The following CNTNAP3B variants were observed in gnomAD, a reference collection of about 807,000 sequenced individuals.
CNTNAP3B encodes the protein contactin-associated protein-like 3B.
A neutral mutation model predicts 108.9 loss-of-function variants in CNTNAP3B; 25 were observed. The ratio of observed to expected loss-of-function variants is 0.23; its 90% confidence interval spans 0.17 to 0.32. The LOEUF is 0.32. Ranked by LOEUF, CNTNAP3B falls within the 10% of genes least tolerant of loss-of-function variation. The probability of loss-of-function intolerance (pLI) is 1.00; values close to 1 mark genes in which losing one functional copy is unlikely to be tolerated. For missense variants in CNTNAP3B, 252 were observed against 1,210.4 expected (o/e 0.21, Z 11.75); for synonymous variants, 103 against 473.4 (o/e 0.22, Z 10.16).
intron 2 of CNTNAP3B, among the ~76,000 whole-genome samples, chr9:42,089,561 C>A (rs577403767): frequency 6.8e-6 from 1 of 146,642 alleles, no homozygotes; most frequent in East Asian, 2.0e-4. Context: ...AGGAGTTATA[C>A]TTTCTAATGT....
intron 13 of CNTNAP3B, among the ~76,000 whole-genome samples, chr9:41,951,269 G>A (rs2118138208): frequency 7.2e-6 from 1 of 138,216 alleles, no homozygotes; most frequent in African/African-American, 2.7e-5. Context: ...TTTCAAAAGA[G>A]GAGAAATAGG....
At chr9:42,037,470 C>T (rs868256308) in intron 3 of CNTNAP3B, among the ~76,000 whole-genome samples, 1 of 129,758 alleles carries the variant, frequency 7.7e-6, no homozygotes, top group Non-Finnish European at 1.6e-5. Flanking sequence ...GGCAAAAGAA[C>T]CACATGACGC....
chr9:41,951,810 C>T (rs777525725), intron 13 of CNTNAP3B, among the ~76,000 whole-genome samples: 11,426 of 148,750 alleles, frequency 0.077, 5 homozygotes, highest in Middle Eastern at 0.14. Flanking sequence ...GGCGCGGTGG[C>T]TCACGCCTGT....
chr9:41,963,626 C>T (rs1465944831), intron 11 of CNTNAP3B, among the ~76,000 whole-genome samples: 1 of 151,638 alleles, frequency 6.6e-6, no homozygotes, highest in Non-Finnish European at 1.5e-5. Flanking sequence ...GCCCCATCTC[C>T]AGCGATTCTG....
intron 13 of CNTNAP3B, among the ~76,000 whole-genome samples, chr9:41,952,304 G>T (rs62536504): frequency 6.6e-6 from 1 of 152,126 alleles, no homozygotes; most frequent in Non-Finnish European, 1.5e-5. Context: ...ACAAGGTGTT[G>T]CTCTGCTGCC....
intron 13 of CNTNAP3B, among the ~76,000 whole-genome samples, chr9:41,947,262 G>A (rs1824555196): frequency 6.6e-6 from 1 of 151,588 alleles, no homozygotes; most frequent in African/African-American, 2.4e-5. Flanking sequence ...CCATATCCCT[G>A]GGAGCCAAAC....
Position 41,960,598 on chromosome 9 carries a change from C to T in CNTNAP3B, c.1876+175G>A, listed in dbSNP as rs1587149010. Among the ~76,000 whole-genome samples the T allele has an allele frequency of 2.6e-5, 4 of 152,300 alleles. No homozygotes were observed. The South Asian group carries it at 6.2e-4, about 24-fold the overall frequency. On this transcript the variant is annotated intron_variant, in intron 12 of 23. Coordinates refer to ENST00000377561, the MANE Select transcript of CNTNAP3B (RefSeq NM_001201380.3). ...ATTGAATCTTGCCTATAATCCAACC[C>T]AGGCAAAGAAGAAATACAAGAAAAT...
chr9:42,111,608 C>T lies in CNTNAP3B; in HGVS notation c.86-6869G>A, dbSNP rs1828194320. Among the ~76,000 whole-genome samples, 4 of 138,636 alleles carry T rather than the reference C, an allele frequency of 2.9e-5. 1 individual carries two copies. In the East Asian group the frequency reaches 8.8e-4, roughly 31 times the overall value. The allele number at this position is 138,636 out of a possible 152,430, so 91.0% of individuals were successfully genotyped here. A position where few individuals can be genotyped will look rare whatever the true frequency, so the allele number is the denominator to read the frequency against. On this transcript the variant is annotated intron_variant, in intron 1 of 23. Transcript: ENST00000377561. Reference sequence around the variant, plus strand: ...ATCTGATTGCCTAAATTCAGCCTGGCTTCAATCAAGACACTTTGGTTCCCT... The same window carrying T: ...ATCTGATTGCCTAAATTCAGCCTGGTTTCAATCAAGACACTTTGGTTCCCT...
At chr9:42,053,298 A>C (rs983370176) in intron 3 of CNTNAP3B, among the ~76,000 whole-genome samples, 3 of 112,656 alleles carry the variant, frequency 2.7e-5, no homozygotes, top group Non-Finnish European at 5.6e-5. Context: ...GAAATGAGCA[A>C]TAATATTCTG....
chr9:41,958,498 C>T (rs1824947377), intron 12 of CNTNAP3B, among the ~76,000 whole-genome samples: 1 of 151,960 alleles, frequency 6.6e-6, no homozygotes, highest in Non-Finnish European at 1.5e-5. Flanking sequence ...TGTAAAGAGG[C>T]CTGCAGTACT....
intron 3 of CNTNAP3B, among the ~76,000 whole-genome samples, chr9:42,033,258 G>A (rs1277640751): frequency 4.0e-5 from 6 of 148,966 alleles, no homozygotes; most frequent in Non-Finnish European, 7.4e-5. Context: ...TTGACTTACT[G>A]AAGGCAATTT....
chr9:42,120,397 T>C lies in CNTNAP3B; in HGVS notation c.85+8613A>G, dbSNP rs1482666392. On this transcript the variant is annotated intron_variant, in intron 1 of 23. Coordinates refer to ENST00000377561, the MANE Select transcript of CNTNAP3B (RefSeq NM_001201380.3). ...GTGGGACTGTAAACTAGTTCAACCATTGTGGAAGTCAGTGTGGCAATTCCT... is the reference window on the plus strand; with the variant it reads ...GTGGGACTGTAAACTAGTTCAACCACTGTGGAAGTCAGTGTGGCAATTCCT... Among the ~76,000 whole-genome samples, 2 of 139,034 alleles carry C rather than the reference T, an allele frequency of 1.4e-5. 1 individual carries two copies. The highest frequency in any genetic ancestry group is 5.7e-5 in the African/African-American group (2 of 35,040). 91.2% of individuals were successfully genotyped at this position (139,034 alleles called of 152,430 possible).
In CNTNAP3B at chr9:42,123,317, A is replaced by C. The variant is rs1363744104; in HGVS notation, c.85+5693T>G. Among the ~76,000 whole-genome samples the C allele has an allele frequency of 3.5e-5, 2 of 57,538 alleles. 1 individual carries two copies. Among genetic ancestry groups the C allele is most frequent in the Non-Finnish European group, 7.7e-5 (2 of 25,854 alleles). 37.7% of individuals were successfully genotyped at this position (57,538 alleles called of 152,430 possible). On this transcript the variant is annotated intron_variant, in intron 1 of 23. Coordinates refer to ENST00000377561, the MANE Select transcript of CNTNAP3B (RefSeq NM_001201380.3). Reference sequence around the variant, plus strand: ...ACAATTCAACTGTCCCTAAAACACCAGGTTCAATTTAAACTCTATTAGCTT... The same window carrying C: ...ACAATTCAACTGTCCCTAAAACACCCGGTTCAATTTAAACTCTATTAGCTT...
chr9:41,932,352 C>A (rs1440928813), intron 14 of CNTNAP3B, among the ~76,000 whole-genome samples: 2 of 151,934 alleles, frequency 1.3e-5, no homozygotes, highest in African/African-American at 4.8e-5. Flanking sequence ...GAAATTCCTA[C>A]GGTTCTGGAA....
At chr9:41,956,114 T>C (rs142995674) in intron 12 of CNTNAP3B, among the ~76,000 whole-genome samples, 2 of 152,258 alleles carry the variant, frequency 1.3e-5, no homozygotes, top group Middle Eastern at 3.4e-3. Flanking sequence ...TGGCCAGGCG[T>C]GGTGGCTCAC....
intron 18 of CNTNAP3B, among the ~76,000 whole-genome samples, chr9:41,915,711 T>G (rs1338937759): frequency 5.1e-5 from 7 of 137,022 alleles, no homozygotes; most frequent in African/African-American, 1.7e-4. Flanking sequence ...TTGTTAAATG[T>G]TTTTTTTTTT....
chr9:42,120,859 T>C (rs1828446363), intron 1 of CNTNAP3B, among the ~76,000 whole-genome samples: 1 of 129,258 alleles, frequency 7.7e-6, no homozygotes, highest in African/African-American at 3.1e-5. Flanking sequence ...CATTAGGAGA[T>C]ATACCTAATG....
In CNTNAP3B at chr9:41,996,227, T is replaced by C. The variant is rs1290476852; in HGVS notation, c.1049A>G (p.His350Arg). The C allele has an allele frequency of 2.2e-6, 3 of 1,354,448 alleles. No individual in the cohort carries two copies. Among genetic ancestry groups the C allele is most frequent in the South Asian group, 2.5e-5 (2 of 80,144 alleles). The allele number at this position is 1,354,448 out of a possible 1,614,324, so 83.9% of individuals were successfully genotyped here. Residue 350 changes from histidine (H) to arginine (R), a missense_variant, in exon 7 of 24, where the codon CAC becomes CGC. Coordinates refer to ENST00000377561, the MANE Select transcript of CNTNAP3B (RefSeq NM_001201380.3). ...GVDVTELAKK[H>R]KPQILMMGNV... ...TACCATCATGAGGATCTGTGGTTTG[T>C]GTTTCTTGGCTAATTCGGTAACATC...
chr9:41,941,893 C>G (rs1242547573), intron 13 of CNTNAP3B, among the ~76,000 whole-genome samples: 1 of 152,034 alleles, frequency 6.6e-6, no homozygotes, highest in Non-Finnish European at 1.5e-5. Context: ...ATCAAGTTCT[C>G]AGAATAAAGA....
Sources: gnomAD v4.1 joint callset for allele counts (sites outside exome capture counted in the v4.1 genomes callset) on GRCh38, gnomAD v4.1.1 for gene constraint, MANE v1.5 for transcripts, NCBI Gene and HGNC (gene_info 2026-07-23, HGNC 2026-07-21) for gene names.